MCC: variants seen among roughly 807,000 people sequenced by gnomAD.
MCC encodes colorectal mutant cancer protein.
In MCC, 90 loss-of-function variants were observed where a neutral mutation model predicts 116.2. The observed-to-expected ratio is 0.77, with a 90% confidence interval of 0.65 to 0.92. MCC has a LOEUF of 0.92. Ranked by LOEUF, MCC falls within the 40% of genes least tolerant of loss-of-function variation. The pLI, the probability that MCC is intolerant of heterozygous loss-of-function variation, is 0.00. For missense variants in MCC, 1,516 were observed against 1,312.2 expected, an observed-to-expected ratio of 1.16 and a Z score of -2.40; for synonymous variants, 578 against 510.5, an observed-to-expected ratio of 1.13 and a Z score of -1.78.
At chr5:113,082,739 G>T in intron 11 of MCC, 121 bp downstream of exon 11, 2 of 1,229,286 alleles carry the variant, frequency 1.6e-6, no homozygotes, top group Non-Finnish European at 2.3e-6. Flanking sequence ...ATCCCCACCA[G>T]CCTGACGGTA....
At chr5:113,344,392 T>C (rs1335580743) in intron 2 of MCC, among the ~76,000 whole-genome samples, 1 of 152,244 alleles carries the variant, frequency 6.6e-6, no homozygotes, top group African/African-American at 2.4e-5. Flanking sequence ...AGGCAGATCC[T>C]AGTGCTGGGC....
intron 3 of MCC, among the ~76,000 whole-genome samples, chr5:113,335,525 T>A (rs1306281440): frequency 6.6e-6 from 1 of 151,742 alleles, no homozygotes; most frequent in African/African-American, 2.4e-5. Flanking sequence ...TTAGAATACT[T>A]ACATATGTTA....
intron 3 of MCC, among the ~76,000 whole-genome samples, chr5:113,202,456 C>A (rs1288214132): frequency 2.0e-5 from 3 of 152,174 alleles, no homozygotes; most frequent in Admixed American, 6.5e-5. Context: ...CAGTTACCGC[C>A]AGCTGCCTAT....
chr5:113,133,322 C>A (rs1758581453), intron 5 of MCC, among the ~76,000 whole-genome samples: 5 of 152,150 alleles, frequency 3.3e-5, no homozygotes, highest in Admixed American at 3.3e-4. Context: ...CTAATAACCA[C>A]CAAAATACTC....
At chr5:113,484,742 T>A (rs1323923546) in intron 1 of MCC, among the ~76,000 whole-genome samples, 1 of 152,216 alleles carries the variant, frequency 6.6e-6, no homozygotes, top group Non-Finnish European at 1.5e-5. Context: ...CAAAGGTATG[T>A]TCAACATAAG....
At chr5:113,329,914 T>A (rs1169906789) in intron 3 of MCC, among the ~76,000 whole-genome samples, 1 of 152,190 alleles carries the variant, frequency 6.6e-6, no homozygotes, top group Non-Finnish European at 1.5e-5. Flanking sequence ...ATAACTGTCC[T>A]TGGTGATCAT....
At chr5:113,336,476 G>C (rs373001615) in intron 3 of MCC, among the ~76,000 whole-genome samples, 4 of 151,690 alleles carry the variant, frequency 2.6e-5, no homozygotes, top group African/African-American at 9.8e-5. Flanking sequence ...GCAGCATCAA[G>C]GTTGGACATG....
chr5:113,432,404 C>T (rs1013895046), intron 1 of MCC: 2 of 150,536 alleles, frequency 1.3e-5, no homozygotes, highest in African/African-American at 4.9e-5. Context: ...TGGGCTTTAA[C>T]CTTGGCTCTG....
chr5:113,027,556 A>T, intron 18 of MCC, 74 bp from the exon 19 acceptor site: 1 of 1,353,314 alleles, frequency 7.4e-7, no homozygotes, highest in Non-Finnish European at 1.0e-6. Context: ...TGTCCACTGG[A>T]TAACCAGATC....
intron 3 of MCC, among the ~76,000 whole-genome samples, chr5:113,174,907 A>G (rs910945193): frequency 7.9e-5 from 12 of 152,098 alleles, no homozygotes; most frequent in African/African-American, 2.7e-4. Context: ...TTTTTTTTAA[A>G]TGTTAAGAAG....
At chr5:113,207,433 G>A (rs1255436456) in intron 3 of MCC, among the ~76,000 whole-genome samples, 1 of 128,840 alleles carries the variant, frequency 7.8e-6, no homozygotes, top group Non-Finnish European at 1.6e-5. Context: ...CAAGGTCTGG[G>A]GACACCTATC....
At chr5:113,385,262 C>A in intron 1 of MCC, 50 bp from the exon 2 acceptor site, 1 of 1,560,808 alleles carries the variant, frequency 6.4e-7, no homozygotes, top group Non-Finnish European at 8.7e-7. Context: ...GACATTTAAG[C>A]TAGAGAAACT....
At chr5:113,239,790 C>T (rs1408620227) in intron 3 of MCC, among the ~76,000 whole-genome samples, 1 of 152,156 alleles carries the variant, frequency 6.6e-6, no homozygotes, top group East Asian at 1.9e-4. Flanking sequence ...AGATTTCCCA[C>T]GGTGAACTGG....
chr5:113,454,846 G>A (rs1349645491), intron 1 of MCC, among the ~76,000 whole-genome samples: 1 of 152,102 alleles, frequency 6.6e-6, no homozygotes, highest in Non-Finnish European at 1.5e-5. Flanking sequence ...ATGTTCATCT[G>A]GGAGAGGAAA....
chr5:113,435,461 G>A (rs1047644279), intron 1 of MCC: 1 of 152,208 alleles, frequency 6.6e-6, no homozygotes, highest in African/African-American at 2.4e-5. Flanking sequence ...GCCTTCAGGG[G>A]AGAAAAAGCC....
chr5:113,307,830 A>C (rs1217186006), intron 3 of MCC, among the ~76,000 whole-genome samples: 2 of 152,188 alleles, frequency 1.3e-5, no homozygotes, highest in Non-Finnish European at 2.9e-5. Context: ...ATCCCTGACC[A>C]CTTGAATGGA....
intron 3 of MCC, among the ~76,000 whole-genome samples, chr5:113,267,436 C>T (rs765855947): frequency 6.6e-6 from 1 of 152,188 alleles, no homozygotes; most frequent in Non-Finnish European, 1.5e-5. Flanking sequence ...TGTTCATATA[C>T]ATTATCTCAT....
At position 113,023,324 on chromosome 5, in the gene MCC, T is replaced by TAAGA. The variant is rs1396518413; in HGVS notation, c.*3974_*3977dup. ...AGTTACGCCTCTTCTGTAAACTCTA[T>TAAGA]AAGAGTGCTCAAAGGTGAATCAAAC... is the stretch of plus-strand genomic sequence containing the variant. On this transcript the variant is annotated 3_prime_UTR_variant, in exon 19 of 19. Coordinates refer to ENST00000408903, the MANE Select transcript of MCC (RefSeq NM_001085377.2). The TAAGA allele has an allele frequency of 6.6e-6, 1 of 152,220 alleles. No homozygotes were observed. The highest frequency in any genetic ancestry group is 6.5e-5 in the Admixed American group (1 of 15,282). The allele number at this position is 152,220 out of a possible 1,614,324, so 9.4% of individuals were successfully genotyped here. A position where few individuals can be genotyped will look rare whatever the true frequency, so the allele number is the denominator to read the frequency against.
intron 17 of MCC, among the ~76,000 whole-genome samples, chr5:113,034,844 T>C (rs1215504261): frequency 2.6e-5 from 4 of 152,238 alleles, no homozygotes; most frequent in Admixed American, 2.0e-4. Flanking sequence ...ACAGCCTCTT[T>C]GCTCATGGCT....
Sources: allele counts gnomAD v4.1 joint callset (sites outside exome capture counted in the v4.1 genomes callset), GRCh38; gene constraint gnomAD v4.1.1; transcripts MANE v1.5; gene names NCBI Gene and HGNC (gene_info 2026-07-23, HGNC 2026-07-21).